Variants in CDC42BPB observed in about 807,000 individuals in gnomAD.
CDC42BPB encodes the protein CDC42 binding protein kinase beta, also known as serine/threonine-protein kinase MRCK beta.
Under a neutral mutation model 214.9 loss-of-function variants are expected in CDC42BPB, and 37 were observed. The observed-to-expected ratio is 0.17, with a 90% CI of 0.13 to 0.23. CDC42BPB has a LOEUF of 0.23. Among genes scored for constraint, CDC42BPB ranks in the 10% least tolerant of loss-of-function variants. The pLI is 1.00. For missense variants in CDC42BPB, 1,694 were observed against 2,227.0 expected, an observed-to-expected ratio of 0.76 and a Z score of 4.82; for synonymous variants, 931 against 884.0, an observed-to-expected ratio of 1.05 and a Z score of -0.94.
Position 102,933,835 on chromosome 14 carries a change from C to G in CDC42BPB, c.5013G>C (p.Ser1671=). 1 of 1,519,638 alleles carries G rather than the reference C, an allele frequency of 6.6e-7. No homozygotes were observed. The highest frequency in any genetic ancestry group is 1.3e-5 in the South Asian group (1 of 76,394). The allele number at this position is 1,519,638 out of a possible 1,614,324, so 94.1% of individuals were successfully genotyped here. A position where few individuals can be genotyped will look rare whatever the true frequency, so the allele number is the denominator to read the frequency against. ...PDQDFDKEPD[S]DSTKHSTPSN... Reference sequence around the variant, plus strand: ...ATGGAGTTGAGTGTTTGGTGGAGTCCGAATCAGGCTGTGAACAGGAAGAGG... The same window carrying G: ...ATGGAGTTGAGTGTTTGGTGGAGTCGGAATCAGGCTGTGAACAGGAAGAGG... Residue 1671 remains serine, a synonymous_variant, in exon 37 of 37, where the codon TCG becomes TCC. Coordinates refer to ENST00000361246, the MANE Select transcript of CDC42BPB (RefSeq NM_006035.4).
At chr14:102,962,705 C>G (rs189485026) in intron 20 of CDC42BPB, among the ~76,000 whole-genome samples, 1 of 152,188 alleles carries the variant, frequency 6.6e-6, no homozygotes, top group Non-Finnish European at 1.5e-5. Flanking sequence ...CAAAAATTAG[C>G]CAGGGGTGGT....
chr14:102,975,831 G>A (rs375408507), intron 10 of CDC42BPB, 28 bp from the exon 11 acceptor site: 14 of 1,613,892 alleles, frequency 8.7e-6, no homozygotes, highest in African/African-American at 1.3e-5. Context: ...AGCGTGAGGT[G>A]CAGCCTGGCC....
At chr14:103,023,600 C>A (rs1373112575) in intron 1 of CDC42BPB, among the ~76,000 whole-genome samples, 5 of 152,152 alleles carry the variant, frequency 3.3e-5, no homozygotes, top group African/African-American at 1.2e-4. Context: ...AACCACTATA[C>A]CTGATCCTAA....
intron 7 of CDC42BPB, 154 bp from the exon 8 acceptor site, chr14:102,981,175 C>T (rs1893980705): frequency 1.8e-5 from 18 of 985,310 alleles, no homozygotes; most frequent in Admixed American, 6.1e-5. Context: ...AATTTCCATT[C>T]CCAAAAGGCA....
At chr14:102,936,149 G>A (rs1020443251) in intron 36 of CDC42BPB, among the ~76,000 whole-genome samples, 2 of 152,284 alleles carry the variant, frequency 1.3e-5, no homozygotes, top group South Asian at 4.1e-4. Flanking sequence ...CATTGCTGGT[G>A]GAATATAGAA....
intron 36 of CDC42BPB, among the ~76,000 whole-genome samples, chr14:102,937,827 C>T (rs527448077): frequency 6.6e-6 from 1 of 152,252 alleles, no homozygotes; most frequent in Non-Finnish European, 1.5e-5. Flanking sequence ...AGGAAAGAGG[C>T]AGGTTGGCGG....
intron 24 of CDC42BPB, 121 bp from the exon 25 acceptor site, chr14:102,950,723 T>G: frequency 7.3e-7 from 1 of 1,371,680 alleles, no homozygotes; most frequent in Non-Finnish European, 9.4e-7. Context: ...CCCAGCACTT[T>G]CGGAGGCCGA....
At chr14:102,945,184 G>A (rs563350478) in intron 29 of CDC42BPB, 51 of 454,364 alleles carry the variant, frequency 1.1e-4, no homozygotes, top group African/African-American at 5.0e-4. Context: ...ATGAAATGTC[G>A]CTGGATTCCT....
intron 34 of CDC42BPB, among the ~76,000 whole-genome samples, chr14:102,939,141 G>A (rs541928444): frequency 2.0e-5 from 3 of 151,898 alleles, no homozygotes; most frequent in Non-Finnish European, 4.4e-5. Flanking sequence ...GGGTTTCACC[G>A]TGTTAGCCAG....
intron 14 of CDC42BPB, 199 bp from the exon 15 acceptor site, chr14:102,968,915 G>C: frequency 2.0e-6 from 2 of 985,222 alleles, no homozygotes; most frequent in Non-Finnish European, 2.4e-6. Context: ...GCCTTGCAGG[G>C]GGATGTGCCC....
rs549292079 is a variant in CDC42BPB at position 102,986,674 on chromosome 14, C to T, written c.597-94G>A. The T allele has an allele frequency of 3.4e-4, 518 of 1,504,828 alleles. 9 individuals carry two copies. In the South Asian group the frequency reaches 5.7e-3, roughly 16 times the overall value. 93.2% of individuals were successfully genotyped at this position (1,504,828 alleles called of 1,614,324 possible). A position where few individuals can be genotyped will look rare whatever the true frequency, so the allele number is the denominator to read the frequency against. ...CTAGTGGTGATCAGATGAATAAATG[C>T]TAATATCCTCTTGTGAACAGCTGTC... On this transcript the variant is annotated intron_variant, in intron 5 of 36. Transcript: ENST00000361246.
chr14:102,954,839 C>A, intron 21 of CDC42BPB, 151 bp from the exon 22 acceptor site: 1 of 1,428,640 alleles, frequency 7.0e-7, no homozygotes, highest in Middle Eastern at 2.4e-4. Context: ...CCCCTTGGGT[C>A]TCCTCACAGA....
Position 103,017,941 on chromosome 14 carries a change from A to C in CDC42BPB, c.176-5753T>G, listed in dbSNP as rs1886557041. On this transcript the variant is annotated intron_variant, in intron 1 of 36. Transcript: ENST00000361246. ...TCCCTGTCTGCAGGAAATACATGCT[A>C]AAGCAGTGGTCCCAACCTTTTTGGC... Among the ~76,000 whole-genome samples, 4 of 152,230 alleles carry C rather than the reference A, an allele frequency of 2.6e-5. No individual in the cohort carries two copies. The South Asian group carries it at 8.3e-4, about 32-fold the overall frequency.
chr14:103,049,635 T>C (rs1355807983), intron 1 of CDC42BPB, among the ~76,000 whole-genome samples: 4 of 152,178 alleles, frequency 2.6e-5, no homozygotes, highest in South Asian at 2.1e-4. Flanking sequence ...ACTAAGTAAA[T>C]GCATTACATT....
intron 36 of CDC42BPB, among the ~76,000 whole-genome samples, chr14:102,937,415 C>T (rs753590606): frequency 9.9e-5 from 15 of 152,236 alleles, no homozygotes; most frequent in African/African-American, 1.2e-4. Flanking sequence ...GGCATCTGCC[C>T]GTCCGTTCGG....
rs780567956 is a variant in CDC42BPB, at chr14:102,952,622, G to A, written c.3067-19C>T. 1 of 1,608,420 alleles carries A rather than the reference G, an allele frequency of 6.2e-7. No homozygotes were observed. Among genetic ancestry groups the A allele is most frequent in the Non-Finnish European group, 8.5e-7 (1 of 1,176,186 alleles). On this transcript the variant is annotated intron_variant, in intron 23 of 36. Coordinates refer to ENST00000361246, the MANE Select transcript of CDC42BPB (RefSeq NM_006035.4). ...CTTTTGGCTGGAAGGAGAAAATCAA[G>A]AACACTGAGGTGAACCATGGACTCT...
At chr14:102,990,847 A>T (rs1227038377) in intron 5 of CDC42BPB, among the ~76,000 whole-genome samples, 1 of 152,230 alleles carries the variant, frequency 6.6e-6, no homozygotes, top group Admixed American at 6.5e-5. Context: ...AAAATAACTA[A>T]GATAGTGAAT....
chr14:103,048,647 G>A (rs1888434908), intron 1 of CDC42BPB, among the ~76,000 whole-genome samples: 1 of 150,516 alleles, frequency 6.6e-6, no homozygotes, highest in South Asian at 2.1e-4. Flanking sequence ...GGCGGAGCCT[G>A]CAGTGAGCCG....
At chr14:103,013,380 C>G (rs974088549) in intron 1 of CDC42BPB, among the ~76,000 whole-genome samples, 1 of 152,232 alleles carries the variant, frequency 6.6e-6, no homozygotes, top group Non-Finnish European at 1.5e-5. Context: ...GGCCTCCTCA[C>G]GCGGACTCTC....
Sources: allele counts gnomAD v4.1 joint callset (sites outside exome capture counted in the v4.1 genomes callset), GRCh38; gene constraint gnomAD v4.1.1; transcripts MANE v1.5; gene names NCBI Gene and HGNC (gene_info 2026-07-23, HGNC 2026-07-21).